Variants in DENND1B observed in about 807,000 individuals in gnomAD.
DENND1B encodes the protein DENN domain-containing protein 1B.
Under a neutral mutation model 90.1 loss-of-function variants are expected in DENND1B, and 59 were observed. That is an observed-to-expected ratio of 0.65 (90% CI 0.53 to 0.81). The LOEUF (loss-of-function observed/expected upper bound fraction) is 0.81. Among genes scored for constraint, DENND1B ranks in the 40% least tolerant of loss-of-function variants. The pLI, the probability that DENND1B is intolerant of heterozygous loss-of-function variation, is 0.00. For synonymous variants in DENND1B, 337 were observed against 324.6 expected, an observed-to-expected ratio of 1.04 and a Z score of -0.41; for missense variants, 862 against 912.6, an observed-to-expected ratio of 0.94 and a Z score of 0.71.
intron 20 of DENND1B, among the ~76,000 whole-genome samples, chr1:197,536,666 G>GA (rs1669929024): frequency 6.6e-6 from 1 of 151,922 alleles, no homozygotes; most frequent in Non-Finnish European, 1.5e-5. Context: ...TTCAATTACA[G>GA]AAAAAAATGC....
intron 2 of DENND1B, among the ~76,000 whole-genome samples, chr1:197,771,104 G>T (rs1436727552): frequency 6.6e-6 from 1 of 151,626 alleles, no homozygotes; most frequent in African/African-American, 2.4e-5. Context: ...TAGAGATGGG[G>T]TTTCACCATA....
At chr1:197,763,197 G>A (rs1655309970) in intron 2 of DENND1B, among the ~76,000 whole-genome samples, 1 of 152,146 alleles carries the variant, frequency 6.6e-6, no homozygotes, top group African/African-American at 2.4e-5. Context: ...TGTAGTACTG[G>A]CTACTCAGAA....
intron 3 of DENND1B, among the ~76,000 whole-genome samples, chr1:197,692,298 C>A (rs568763625): frequency 5.9e-5 from 9 of 151,864 alleles, no homozygotes; most frequent in African/African-American, 2.2e-4. Context: ...TCTAAAGTTA[C>A]CTCTTTAAAA....
chr1:197,568,055 G>A (rs942377369), intron 15 of DENND1B, among the ~76,000 whole-genome samples: 2 of 151,180 alleles, frequency 1.3e-5, no homozygotes, highest in African/African-American at 2.4e-5. Flanking sequence ...AGGGAGGGAG[G>A]GAAGGAGGGA....
In DENND1B at chr1:197,756,601, AAAT is replaced by A. The variant is rs1381199819; in HGVS notation, c.82+16264_82+16266del. Among the ~76,000 whole-genome samples the A allele has an allele frequency of 2.2e-3, 328 of 149,676 alleles. 1 individual carries two copies. The highest frequency in any genetic ancestry group is 3.4e-3 in the Non-Finnish European group (228 of 67,478). On this transcript the variant is annotated intron_variant, in intron 2 of 22. Transcript: ENST00000620048. ...AAAAAAAAAAAAAAAAAAAAAAAAAAAATATGCCCCCATTAAACAATTAGATTT... is the reference window on the plus strand; with the variant it reads ...AAAAAAAAAAAAAAAAAAAAAAAAAAATGCCCCCATTAAACAATTAGATTT...
intron 14 of DENND1B, among the ~76,000 whole-genome samples, chr1:197,593,735 T>A (rs2125804033): frequency 6.6e-6 from 1 of 152,184 alleles, no homozygotes; most frequent in Non-Finnish European, 1.5e-5. Flanking sequence ...AAATCTGAAG[T>A]ACTCAAAAAA....
At chr1:197,606,041 T>A (rs1676646541) in intron 13 of DENND1B, 1 of 151,102 alleles carries the variant, frequency 6.6e-6, no homozygotes. Flanking sequence ...AATTTTAATA[T>A]CCATATAAAG....
At chr1:197,566,484 G>A (rs1049701306) in intron 15 of DENND1B, among the ~76,000 whole-genome samples, 7 of 151,864 alleles carry the variant, frequency 4.6e-5, no homozygotes, top group Non-Finnish European at 1.0e-4. Flanking sequence ...AAATAATGCC[G>A]CATATCTACA....
chr1:197,510,449 G>C lies in DENND1B; in HGVS notation c.*11C>G. The C allele has an allele frequency of 6.3e-7, 1 of 1,590,196 alleles. No homozygotes were observed. Among genetic ancestry groups the C allele is most frequent in the South Asian group, 1.1e-5 (1 of 87,288 alleles). ...TCTCAAAATGTCTCCATAGAAGCTTGGATGCAAGATTTAAGTTTGGTTTCC... is the reference window on the plus strand; with the variant it reads ...TCTCAAAATGTCTCCATAGAAGCTTCGATGCAAGATTTAAGTTTGGTTTCC... On this transcript the variant is annotated 3_prime_UTR_variant, in exon 23 of 23. Coordinates refer to ENST00000620048, the MANE Select transcript of DENND1B (RefSeq NM_001195215.2).
At chr1:197,705,277 G>A (rs903865611) in intron 3 of DENND1B, among the ~76,000 whole-genome samples, 10 of 152,218 alleles carry the variant, frequency 6.6e-5, no homozygotes, top group African/African-American at 2.4e-4. Context: ...CCCTTGACTA[G>A]ATTCCCATGT....
At chr1:197,666,594 C>T (rs1005800963) in intron 5 of DENND1B, among the ~76,000 whole-genome samples, 2 of 152,156 alleles carry the variant, frequency 1.3e-5, no homozygotes, top group African/African-American at 2.4e-5. Context: ...CTATTAAGCA[C>T]ATGAATTCTA....
At chr1:197,707,651 A>T (rs1174897988) in intron 3 of DENND1B, among the ~76,000 whole-genome samples, 1 of 146,928 alleles carries the variant, frequency 6.8e-6, no homozygotes, top group Admixed American at 6.8e-5. Context: ...TAATATACAT[A>T]TATTATATAC....
intron 2 of DENND1B, among the ~76,000 whole-genome samples, chr1:197,731,635 C>T (rs1202653112): frequency 6.6e-6 from 1 of 152,108 alleles, no homozygotes; most frequent in Non-Finnish European, 1.5e-5. Context: ...CTTTTGGCTT[C>T]CCTGGGCCAC....
chr1:197,577,096 G>C (rs571442865), intron 15 of DENND1B, among the ~76,000 whole-genome samples: 6 of 152,190 alleles, frequency 3.9e-5, no homozygotes, highest in South Asian at 4.1e-4. Context: ...AAAAAAAGGA[G>C]TACAGACTTA....
At chr1:197,663,098 A>T (rs1355785127) in intron 5 of DENND1B, among the ~76,000 whole-genome samples, 4 of 152,072 alleles carry the variant, frequency 2.6e-5, no homozygotes, top group African/African-American at 9.7e-5. Context: ...ATTTATCAAC[A>T]TTCTAAGTAT....
chr1:197,773,467 C>T (rs1217737486), intron 1 of DENND1B, among the ~76,000 whole-genome samples: 1 of 152,166 alleles, frequency 6.6e-6, no homozygotes, highest in South Asian at 2.1e-4. Context: ...GATAATGCTC[C>T]ATGAATGTGA....
chr1:197,625,281 T>A (rs1333514927), intron 10 of DENND1B, among the ~76,000 whole-genome samples: 3 of 151,834 alleles, frequency 2.0e-5, no homozygotes, highest in Non-Finnish European at 4.4e-5. Context: ...CGGGTTACCC[T>A]CAAAGGGAAG....
intron 10 of DENND1B, among the ~76,000 whole-genome samples, chr1:197,619,368 G>A (rs536479410): frequency 6.6e-6 from 1 of 151,128 alleles, no homozygotes; most frequent in African/African-American, 2.4e-5. Context: ...CTCCTTAGTT[G>A]TAAATTAGGC....
intron 2 of DENND1B, chr1:197,736,010 C>G: frequency 1.0e-6 from 1 of 993,876 alleles, no homozygotes; most frequent in East Asian, 2.4e-5. Flanking sequence ...TCTAAAAACA[C>G]TGCAATGGCT....
Sources: gnomAD v4.1 joint callset for allele counts (sites outside exome capture counted in the v4.1 genomes callset) on GRCh38, gnomAD v4.1.1 for gene constraint, MANE v1.5 for transcripts, NCBI Gene and HGNC (gene_info 2026-07-23, HGNC 2026-07-21) for gene names.